MYL5: variants seen among roughly 807,000 people sequenced by gnomAD.
MYL5 encodes myosin regulatory light chain 5.
A neutral mutation model predicts 20.8 loss-of-function variants in MYL5; 28 were observed. The observed-to-expected ratio is 1.35, with a 90% CI of 1.00 to 1.84. MYL5 has a LOEUF of 1.84. Ranked by LOEUF, MYL5 falls within the 40% of genes most tolerant of loss-of-function variation. MYL5 has a pLI of 0.00. For synonymous variants in MYL5, 118 were observed against 87.4 expected (o/e 1.35, Z -1.95); for missense variants, 274 against 227.3 (o/e 1.21, Z -1.32).
At chr4:681,127 T>A in exon 6 of MYL5, 2 of 1,607,142 alleles carry the variant, frequency 1.2e-6, no homozygotes, top group Non-Finnish European at 1.7e-6. Context: ...GCTGACAAGA[T>A]GACGGCGGAA....
intron 1 of MYL5, 155 bp downstream of exon 3, chr4:678,184 G>C: frequency 1.3e-6 from 2 of 1,533,468 alleles, no homozygotes; most frequent in Non-Finnish European, 8.8e-7. Context: ...GTGCATGAGC[G>C]TGTGTATGTG....
rs1465634210 is a variant in MYL5, at chr4:681,144, T to C, written c.420+4T>C. 7.5e-6 allele frequency: 12 copies of C among 1,603,580 alleles called. No homozygotes were observed. In the African/African-American group the frequency reaches 9.4e-5, roughly 13 times the overall value. ...TGACAAGATGACGGCGGAAGAGGTC[T>C]GGCCCGCGGCTTCCCTGCCAAGCCC... On this transcript the variant is annotated splice_donor_region_variant and intron_variant, in intron 6 of 6. Transcript: ENST00000400159.
exon 1 of MYL5, chr4:678,010 A>G (rs759460009): frequency 1.9e-6 from 3 of 1,612,476 alleles, no homozygotes; most frequent in Non-Finnish European, 2.5e-6. Flanking sequence ...GACGCATCAA[A>G]GCAGGCAGAA....
intron 2 of MYL5, 37 bp downstream of exon 4, chr4:678,802 C>A (rs1739123807): frequency 6.2e-7 from 1 of 1,608,168 alleles, no homozygotes; most frequent in Non-Finnish European, 8.5e-7. Context: ...CCCCCACCCC[C>A]AGGAGCCTGT....
Position 681,888 on chromosome 4 carries a change from C to A in MYL5, c.421-5C>A. 1.5e-5 allele frequency: 20 copies of A among 1,314,772 alleles called. No individual in the cohort carries two copies. The highest frequency in any genetic ancestry group is 2.0e-5 in the Non-Finnish European group (20 of 1,022,548). 81.4% of individuals were successfully genotyped at this position (1,314,772 alleles called of 1,614,324 possible). ...CGCAAGGAGCCCTTTCGCCCCCGCC[C>A]GCAGGTGGACCAGATGTTCCAGTTC... On this transcript the variant is annotated splice_region_variant and splice_polypyrimidine_tract_variant and intron_variant, in intron 6 of 6. Coordinates refer to ENST00000400159, the Ensembl canonical transcript of MYL5.
At chr4:680,238 C>G (rs1251410330) in intron 4 of MYL5, among the ~76,000 whole-genome samples, 1 of 152,206 alleles carries the variant, frequency 6.6e-6, no homozygotes, top group Non-Finnish European at 1.5e-5. Flanking sequence ...GTCGACACCT[C>G]TGTCCCTCAC....
chr4:678,403 CTG>C (rs940601101), intron 1 of MYL5: 1 of 1,419,604 alleles, frequency 7.0e-7, no homozygotes. Flanking sequence ...TCCCTGACCA[CTG>C]TGCTCTGTGG....
At chr4:676,857 T>C (rs907178765), upstream of MYL5, 7 of 984,886 alleles carry the variant, frequency 7.1e-6, no homozygotes, top group Non-Finnish European at 8.4e-6. Context: ...CCTGGGCAGG[T>C]CATGCCTCCA....
chr4:674,542 C>T (rs1436343439), upstream of MYL5: 4 of 492,754 alleles, frequency 8.1e-6, no homozygotes, highest in Non-Finnish European at 1.4e-5. Flanking sequence ...GGGGGGTTTC[C>T]TTTCCCCGCA....
intron 4 of MYL5, 49 bp downstream of exon 6, chr4:680,067 T>C: frequency 7.0e-7 from 1 of 1,436,366 alleles, no homozygotes; most frequent in Non-Finnish European, 9.6e-7. Flanking sequence ...TTCCTAACAG[T>C]TAGAGATCCG....
At chr4:677,838 A>G (rs1577328545), upstream of MYL5, 1 of 904,538 alleles carries the variant, frequency 1.1e-6, no homozygotes, top group Admixed American at 1.9e-5. Context: ...GAGGCAGGGC[A>G]AGGGTGTGAG....
chr4:680,964 C>A, intron 5 of MYL5, 128 bp from the exon 8 acceptor site: 1 of 1,080,380 alleles, frequency 9.3e-7, no homozygotes, highest in Non-Finnish European at 1.4e-6. Flanking sequence ...CCCAGGGCCA[C>A]ACTCCAGCGG....
At chr4:679,835 G>A in intron 3 of MYL5, 79 bp from the exon 6 acceptor site, 1 of 1,246,062 alleles carries the variant, frequency 8.0e-7, no homozygotes, top group Non-Finnish European at 1.2e-6. Context: ...TGCCTGCCTG[G>A]CCCTGTGCTG....
Position 681,874 on chromosome 4 carries a change from C to G in MYL5, c.421-19C>G, listed in dbSNP as rs1348023410. The G allele has an allele frequency of 2.3e-6, 3 of 1,311,884 alleles. No homozygotes were observed. The highest frequency in any genetic ancestry group is 9.8e-7 in the Non-Finnish European group (1 of 1,021,618). 81.3% of individuals were successfully genotyped at this position (1,311,884 alleles called of 1,614,324 possible). On this transcript the variant is annotated intron_variant, in intron 6 of 6. Coordinates refer to ENST00000400159, the Ensembl canonical transcript of MYL5. ...TCGCTCCCGGAGCCCGCAAGGAGCC[C>G]TTTCGCCCCCGCCCGCAGGTGGACC...
upstream of MYL5, among the ~76,000 whole-genome samples, chr4:677,473 G>A (rs544993870): frequency 6.6e-6 from 1 of 152,298 alleles, no homozygotes; most frequent in East Asian, 1.9e-4. Flanking sequence ...GCCAGGCAAG[G>A]AGCTCCCAGC....
At chr4:678,109 G>C in intron 1 of MYL5, 80 bp downstream of exon 3, 4 of 1,590,220 alleles carry the variant, frequency 2.5e-6, no homozygotes, top group Non-Finnish European at 3.4e-6. Context: ...GCACAGACGA[G>C]CGTGGGCGTG....
upstream of MYL5, chr4:674,565 C>G: frequency 2.3e-6 from 1 of 441,824 alleles, no homozygotes; most frequent in East Asian, 4.4e-5. Flanking sequence ...GCTGGGGGTC[C>G]GCTGTTTCCC....
At chr4:679,385 C>A (rs1739210189) in intron 3 of MYL5, among the ~76,000 whole-genome samples, 1 of 151,556 alleles carries the variant, frequency 6.6e-6, no homozygotes, top group Admixed American at 6.6e-5. Flanking sequence ...GGCATGGAGA[C>A]CCTGCCCGGC....
intron 3 of MYL5, chr4:679,265 C>G (rs1352298082): frequency 1.1e-5 from 7 of 638,318 alleles, no homozygotes; most frequent in Non-Finnish European, 2.0e-5. Flanking sequence ...AGCCTGGAAA[C>G]TCAGAGTGGG....
Sources: allele counts gnomAD v4.1 joint callset (sites outside exome capture counted in the v4.1 genomes callset), GRCh38; gene constraint gnomAD v4.1.1; transcripts MANE v1.5; gene names NCBI Gene and HGNC (gene_info 2026-07-23, HGNC 2026-07-21).